The following CSMD3 variants were observed in gnomAD, a reference collection of about 807,000 sequenced individuals.
CSMD3 encodes CUB and sushi domain-containing protein 3.
In CSMD3, 177 loss-of-function variants were observed where a neutral mutation model predicts 435.2. The observed-to-expected ratio is 0.41, with a 90% CI of 0.36 to 0.46. The LOEUF (loss-of-function observed/expected upper bound fraction) is 0.46, where lower values mean the gene tolerates loss of function less well. Ranked by LOEUF, CSMD3 falls within the 20% of genes least tolerant of loss-of-function variation. The pLI is 0.34. For synonymous variants in CSMD3, 1,656 were observed against 1,520.5 expected, an observed-to-expected ratio of 1.09 and a Z score of -2.07; for missense variants, 4,265 against 4,504.6, an observed-to-expected ratio of 0.95 and a Z score of 1.52.
chr8:112,448,643 A>G (rs1815900665), intron 32 of CSMD3, among the ~76,000 whole-genome samples: 1 of 152,112 alleles, frequency 6.6e-6, no homozygotes. Flanking sequence ...TTCAGCCTTC[A>G]AAACTGTGAG....
Position 112,313,979 on chromosome 8 carries a change from A to G in CSMD3, c.7623T>C (p.Asn2541=). 1.9e-6 allele frequency: 3 copies of G among 1,610,744 alleles called. No homozygotes were observed. The highest frequency in any genetic ancestry group is 2.2e-5 in the South Asian group (2 of 91,026). Residue 2541 remains asparagine, a synonymous_variant, in exon 49 of 71, where the codon AAT becomes AAC. Transcript: ENST00000297405. ...ACCACTGAAGAAATACTTCATGACC[A>G]TTGCTTGTTATATTAAAAGCAGATG... The part of the protein sequence containing the change: ...DYSSAFNITS[N]GHEVFLQWSA...
chr8:113,412,010 C>T (rs2094561955), intron 1 of CSMD3, among the ~76,000 whole-genome samples: 1 of 152,006 alleles, frequency 6.6e-6, no homozygotes, highest in South Asian at 2.1e-4. Flanking sequence ...TGTCTTTTTG[C>T]TCTAGTTTTT....
chr8:113,297,512 C>T (rs565843218), intron 2 of CSMD3, among the ~76,000 whole-genome samples: 1 of 150,120 alleles, frequency 6.7e-6, no homozygotes, highest in African/African-American at 2.5e-5. Flanking sequence ...TTAATCATAC[C>T]AAGAAAACAT....
At chr8:113,158,554 C>T (rs1473894254) in intron 4 of CSMD3, among the ~76,000 whole-genome samples, 1 of 151,980 alleles carries the variant, frequency 6.6e-6, no homozygotes, top group African/African-American at 2.4e-5. Context: ...CAAATTGAAA[C>T]AGGGAGTGAT....
At chr8:113,158,842 A>G (rs1055468320) in intron 4 of CSMD3, among the ~76,000 whole-genome samples, 4 of 152,196 alleles carry the variant, frequency 2.6e-5, no homozygotes, top group Admixed American at 2.6e-4. Context: ...CAATACAGAT[A>G]TTTTTATACA....
intron 38 of CSMD3, among the ~76,000 whole-genome samples, chr8:112,379,200 T>G (rs1208328783): frequency 6.6e-6 from 1 of 152,232 alleles, no homozygotes; most frequent in Non-Finnish European, 1.5e-5. Flanking sequence ...CGGGACGTGG[T>G]GGCTCACGCC....
intron 22 of CSMD3, among the ~76,000 whole-genome samples, chr8:112,614,299 C>T (rs1167239787): frequency 6.6e-6 from 1 of 152,078 alleles, no homozygotes; most frequent in East Asian, 1.9e-4. Flanking sequence ...AGTCTATTTG[C>T]AACTTAGAGC....
rs1204596695 is a variant in CSMD3, at chr8:112,361,280, A to G, written c.6137-8746T>C. Among the ~76,000 whole-genome samples, 3 of 151,626 alleles carry G rather than the reference A, an allele frequency of 2.0e-5. No individual in the cohort carries two copies. In the East Asian group the frequency reaches 5.8e-4, roughly 29 times the overall value. ...ATCAATTAATCTGCTGTTGTAGCCA[A>G]AAAAAAGAAAAATCAGAAATGAATC... On this transcript the variant is annotated intron_variant, in intron 38 of 70. Transcript: ENST00000297405.
chr8:113,154,819 G>T (rs1052037468), intron 4 of CSMD3, among the ~76,000 whole-genome samples: 7 of 151,930 alleles, frequency 4.6e-5, no homozygotes, highest in Non-Finnish European at 1.0e-4. Context: ...TTTGGAATGT[G>T]CAATATTTGT....
Position 113,079,737 on chromosome 8 carries a change from G to A in CSMD3, c.917+19019C>T, listed in dbSNP as rs550427792. 9.9e-5 allele frequency among the ~76,000 whole-genome samples: 15 copies of A among 152,062 alleles called. No individual in the cohort carries two copies. In the South Asian group the frequency reaches 3.1e-3, roughly 32 times the overall value. On this transcript the variant is annotated intron_variant, in intron 5 of 70. Coordinates refer to ENST00000297405, the MANE Select transcript of CSMD3 (RefSeq NM_198123.2). ...AAATTCAGAAATGTTTTTTTCGTTT[G>A]ATGCTATATTTTTGGAGTTCTTTGA... is the stretch of plus-strand genomic sequence containing the variant.
chr8:113,112,614 C>T (rs1034168320), intron 4 of CSMD3, among the ~76,000 whole-genome samples: 1 of 150,968 alleles, frequency 6.6e-6, no homozygotes, highest in African/African-American at 2.4e-5. Flanking sequence ...GTCATGAGAC[C>T]GAAGTCACTG....
intron 32 of CSMD3, among the ~76,000 whole-genome samples, chr8:112,419,553 A>G (rs1214053002): frequency 6.6e-6 from 1 of 152,132 alleles, no homozygotes; most frequent in Non-Finnish European, 1.5e-5. Flanking sequence ...CTTTCTGTTA[A>G]CAATTTCTTT....
chr8:112,479,817 C>T (rs576907893), intron 31 of CSMD3, among the ~76,000 whole-genome samples: 1 of 152,320 alleles, frequency 6.6e-6, no homozygotes, highest in Admixed American at 6.5e-5. Flanking sequence ...GGTTGGAGCC[C>T]CACAGAGAAA....
At chr8:113,226,289 A>G (rs1252745608) in intron 3 of CSMD3, among the ~76,000 whole-genome samples, 3 of 151,578 alleles carry the variant, frequency 2.0e-5, no homozygotes, top group African/African-American at 4.8e-5. Context: ...TATTAAAAAT[A>G]TTACATGGAT....
chr8:112,967,743 C>T (rs771677673), intron 7 of CSMD3, among the ~76,000 whole-genome samples: 9 of 151,312 alleles, frequency 5.9e-5, no homozygotes, highest in Non-Finnish European at 1.0e-4. Flanking sequence ...AATATAAGTT[C>T]AATAAAGCAG....
intron 3 of CSMD3, among the ~76,000 whole-genome samples, chr8:113,217,894 C>T (rs1163072008): frequency 1.3e-5 from 2 of 150,080 alleles, no homozygotes; most frequent in Non-Finnish European, 3.0e-5. Context: ...AAAAAAACAC[C>T]CATAGGCACA....
chr8:113,145,034 ATGTC>A (rs1037889037), intron 4 of CSMD3, among the ~76,000 whole-genome samples: 3 of 151,340 alleles, frequency 2.0e-5, no homozygotes, highest in Non-Finnish European at 3.0e-5. Flanking sequence ...GATTTGTCAA[ATGTC>A]TGGGGAAGGA....
At chr8:113,129,002 TCTGTTACTAGA>T (rs1189718460) in intron 4 of CSMD3, among the ~76,000 whole-genome samples, 3 of 152,174 alleles carry the variant, frequency 2.0e-5, no homozygotes, top group African/African-American at 7.2e-5. Flanking sequence ...AAGTTAGTGA[TCTGTTACTAGA>T]CTCTCTTCCA....
intron 28 of CSMD3, among the ~76,000 whole-genome samples, chr8:112,510,442 G>T (rs936723393): frequency 2.0e-5 from 3 of 151,908 alleles, no homozygotes; most frequent in African/African-American, 7.3e-5. Context: ...TACTCATTTT[G>T]TTTCTTCTTC....
Sources: gnomAD v4.1 joint callset for allele counts (sites outside exome capture counted in the v4.1 genomes callset) on GRCh38, gnomAD v4.1.1 for gene constraint, MANE v1.5 for transcripts, NCBI Gene and HGNC (gene_info 2026-07-23, HGNC 2026-07-21) for gene names.